PTPN5: variants seen among roughly 807,000 people sequenced by gnomAD.
PTPN5 encodes the protein protein tyrosine phosphatase non-receptor type 5, also known as tyrosine-protein phosphatase non-receptor type 5.
PTPN5 carries 29 observed loss-of-function variants against 73.9 expected under a neutral mutation model. The observed-to-expected ratio is 0.39, with a 90% CI of 0.29 to 0.54. PTPN5 has a LOEUF of 0.54. PTPN5 is among the 20% of genes least tolerant of loss of function. The pLI is 0.65. For synonymous variants in PTPN5, 267 were observed against 304.7 expected, an observed-to-expected ratio of 0.88 and a Z score of 1.29; for missense variants, 652 against 751.4, an observed-to-expected ratio of 0.87 and a Z score of 1.55.
At chr11:18,752,877 T>C (rs1440954084) in intron 3 of PTPN5, among the ~76,000 whole-genome samples, 4 of 152,220 alleles carry the variant, frequency 2.6e-5, no homozygotes, top group African/African-American at 9.6e-5. Flanking sequence ...AGGGACAGAC[T>C]TGAGAGAGCA....
At chr11:18,765,934 C>T (rs1043409721) in intron 2 of PTPN5, 51 bp from the exon 3 acceptor site, 2 of 1,345,196 alleles carry the variant, frequency 1.5e-6, no homozygotes, top group Non-Finnish European at 2.1e-6. Context: ...AGGATCAAGA[C>T]AAAAACCCTG....
chr11:18,761,707 A>AT (rs1850398042), intron 3 of PTPN5, among the ~76,000 whole-genome samples: 1 of 152,130 alleles, frequency 6.6e-6, no homozygotes, highest in African/African-American at 2.4e-5. Flanking sequence ...CTGCCTAGTC[A>AT]TTTTCAAGAG....
intron 3 of PTPN5, among the ~76,000 whole-genome samples, chr11:18,756,929 AAAAAAAACC>A (rs1850176098): frequency 6.7e-6 from 1 of 148,466 alleles, no homozygotes; most frequent in Non-Finnish European, 1.5e-5. Context: ...ATCAAAAAAA[AAAAAAAACC>A]AAAAAACAAA....
At chr11:18,740,383 A>G (rs1849308907) in intron 8 of PTPN5, 1 of 417,336 alleles carries the variant, frequency 2.4e-6, no homozygotes, top group Non-Finnish European at 4.3e-6. Flanking sequence ...AGTCTCTTTA[A>G]TCTTTGCAAC....
intron 1 of PTPN5, among the ~76,000 whole-genome samples, chr11:18,788,082 T>C (rs1851750983): frequency 6.6e-6 from 1 of 152,176 alleles, no homozygotes; most frequent in Non-Finnish European, 1.5e-5. Context: ...AGCCTTGCCA[T>C]CACTTATTCT....
rs1385346276 is a variant in PTPN5, at chr11:18,742,951, G to C, written c.483+41C>G. On this transcript the variant is annotated intron_variant, in intron 6 of 14. Transcript: ENST00000358540. This position sits in a 1 kb window ranked among gnomAD's most constrained non-coding sequence, Gnocchi z 4.1. ...GGTAGAAATCCAGGCCTCAAGGTCA[G>C]AGGAGGACAGCCTTGAGGTTGGGGT... 1 of 1,315,152 alleles carries C rather than the reference G, an allele frequency of 7.6e-7. No individual in the cohort carries two copies. The highest frequency in any genetic ancestry group is 2.5e-5 in the East Asian group (1 of 39,850). 81.5% of individuals were successfully genotyped at this position (1,315,152 alleles called of 1,614,324 possible).
intron 3 of PTPN5, 22 bp downstream of exon 3, chr11:18,765,785 G>A: frequency 6.6e-7 from 1 of 1,516,744 alleles, no homozygotes; most frequent in Non-Finnish European, 9.0e-7. Flanking sequence ...TCTGGGAGGA[G>A]CTGGGTGCTG....
rs767817512 is a variant in PTPN5, at chr11:18,733,591, G to T, written c.1045C>A (p.Pro349Thr). Residue 349 changes from proline (P) to threonine (T), a missense_variant, in exon 10 of 15, where the codon CCT becomes ACT. Coordinates refer to ENST00000358540, the MANE Select transcript of PTPN5 (RefSeq NM_006906.2). This position sits in a 1 kb window ranked among gnomAD's most constrained non-coding sequence, Gnocchi z 4.3. ...VCLTSPDPDD[P>T]LSSYINANYI... ...TTGGCATTGATGTAGGAACTCAGAG[G>T]GTCGTCAGGGTCTGGTGAGGTCAGA... 7.4e-6 allele frequency: 12 copies of T among 1,614,238 alleles called. No homozygotes were observed. Among genetic ancestry groups the T allele is most frequent in the Non-Finnish European group, 1.0e-5 (12 of 1,180,038 alleles).
intron 9 of PTPN5, among the ~76,000 whole-genome samples, chr11:18,736,241 C>A (rs181291866): frequency 1.1e-4 from 17 of 152,318 alleles, no homozygotes; most frequent in African/African-American, 4.1e-4. Context: ...AGTTTGAGAC[C>A]AGCCTGGTCA....
Position 18,782,109 on chromosome 11 carries a change from C to T in PTPN5, c.-114+9416G>A, listed in dbSNP as rs190149602. ...AGACACACTAACTTTGACTCACAGG[C>T]CATTTTTTCTCAGGGGGACAGAGGC... is the stretch of plus-strand genomic sequence containing the variant. On this transcript the variant is annotated intron_variant, in intron 1 of 14. Transcript: ENST00000358540. Among the ~76,000 whole-genome samples, 468 of 152,286 alleles carry T rather than the reference C, an allele frequency of 3.1e-3. 1 individual carries two copies. Among genetic ancestry groups the T allele is most frequent in the African/African-American group, 0.011 (440 of 41,568 alleles).
intron 1 of PTPN5, among the ~76,000 whole-genome samples, chr11:18,790,002 G>A (rs1851841837): frequency 6.6e-6 from 1 of 152,006 alleles, no homozygotes; most frequent in Admixed American, 6.6e-5. Flanking sequence ...ACTGAACACT[G>A]CCCTCCTTGC....
chr11:18,782,377 A>G (rs1381913447), intron 1 of PTPN5, among the ~76,000 whole-genome samples: 2 of 151,876 alleles, frequency 1.3e-5, no homozygotes, highest in Non-Finnish European at 2.9e-5. Context: ...ACAGGTGTGT[A>G]CCACCATGCC....
intron 9 of PTPN5, among the ~76,000 whole-genome samples, chr11:18,736,353 C>T (rs959650524): frequency 9.9e-5 from 15 of 152,150 alleles, no homozygotes; most frequent in South Asian, 2.1e-4. Context: ...TGGGACACGG[C>T]GGAGAAGGGG....
chr11:18,783,532 G>C (rs890018362), intron 1 of PTPN5, among the ~76,000 whole-genome samples: 1 of 152,212 alleles, frequency 6.6e-6, no homozygotes, highest in Admixed American at 6.5e-5. Context: ...TTCTGGCTCT[G>C]ACTCTTGCTG....
At chr11:18,735,663 A>T (rs534131943) in intron 9 of PTPN5, among the ~76,000 whole-genome samples, 7 of 152,000 alleles carry the variant, frequency 4.6e-5, no homozygotes, top group Admixed American at 3.9e-4. Flanking sequence ...TAAAAATACA[A>T]AAATTAGCCA....
rs78527493 is a variant in PTPN5 at position 18,743,673 on chromosome 11, T to C, written c.292-244A>G. 56 of 587,090 alleles carry C rather than the reference T, an allele frequency of 9.5e-5. No homozygotes were observed. The East Asian group carries it at 1.5e-3, about 16-fold the overall frequency. 36.4% of individuals were successfully genotyped at this position (587,090 alleles called of 1,614,324 possible). On this transcript the variant is annotated intron_variant, in intron 4 of 14. Transcript: ENST00000358540. ...CCCTTTCCAGAGAGGACCTCACAAA[T>C]ATGTACATCAAAAGAGTAGTCTCCT...
intron 2 of PTPN5, among the ~76,000 whole-genome samples, chr11:18,767,672 T>G (rs1040788810): frequency 6.6e-6 from 1 of 152,234 alleles, no homozygotes; most frequent in Admixed American, 6.5e-5. Context: ...AGTGGCATGG[T>G]GAACGCTTCT....
At chr11:18,741,130 G>A (rs1021427581) in intron 7 of PTPN5, among the ~76,000 whole-genome samples, 2 of 152,154 alleles carry the variant, frequency 1.3e-5, no homozygotes, top group Admixed American at 1.3e-4. Flanking sequence ...CTACCCTGTG[G>A]TCCCCAGGAA....
At chr11:18,781,162 G>A (rs1851404763) in intron 1 of PTPN5, among the ~76,000 whole-genome samples, 1 of 151,818 alleles carries the variant, frequency 6.6e-6, no homozygotes, top group Non-Finnish European at 1.5e-5. Context: ...CCCCGCCCCG[G>A]CCCCCTTGAC....
Sources: allele counts gnomAD v4.1 joint callset (sites outside exome capture counted in the v4.1 genomes callset), GRCh38; gene constraint gnomAD v4.1.1; non-coding constraint Gnocchi (gnomAD v3.1); transcripts MANE v1.5; gene names NCBI Gene and HGNC (gene_info 2026-07-23, HGNC 2026-07-21).